Variants in LAMA4 observed in about 807,000 individuals in gnomAD.
LAMA4 encodes the protein laminin subunit alpha-4.
LAMA4 carries 127 observed loss-of-function variants against 207.1 expected under a neutral mutation model. The observed-to-expected ratio is 0.61, with a 90% confidence interval of 0.53 to 0.71. The LOEUF is 0.71. Among genes scored for constraint, LAMA4 ranks in the 30% least tolerant of loss-of-function variants. The pLI, the probability that LAMA4 is intolerant of heterozygous loss-of-function variation, is 0.00. For missense variants in LAMA4, 2,093 were observed against 2,246.5 expected, an observed-to-expected ratio of 0.93 and a Z score of 1.38; for synonymous variants, 761 against 816.0, an observed-to-expected ratio of 0.93 and a Z score of 1.15.
chr6:112,220,311 A>G (rs1784855130), intron 2 of LAMA4, among the ~76,000 whole-genome samples: 1 of 151,994 alleles, frequency 6.6e-6, no homozygotes, highest in Non-Finnish European at 1.5e-5. Flanking sequence ...AATCCATACC[A>G]TTTACTTCTG....
At chr6:112,214,365 T>C (rs1554357927) in intron 3 of LAMA4, among the ~76,000 whole-genome samples, 2 of 152,142 alleles carry the variant, frequency 1.3e-5, no homozygotes, top group African/African-American at 4.8e-5. Flanking sequence ...ATTACAGGTG[T>C]GAGCCACCAT....
chr6:112,120,961 C>T (rs1383130922), intron 32 of LAMA4, among the ~76,000 whole-genome samples: 2 of 151,834 alleles, frequency 1.3e-5, no homozygotes, highest in Non-Finnish European at 2.9e-5. Context: ...GTAGTCCCAG[C>T]TACTTGGGAG....
intron 18 of LAMA4, among the ~76,000 whole-genome samples, chr6:112,146,583 A>C (rs1450943101): frequency 6.6e-6 from 1 of 150,654 alleles, no homozygotes; most frequent in African/African-American, 2.4e-5. Flanking sequence ...TCAGAGACGA[A>C]ATACTTTTGA....
At chr6:112,162,817 G>A (rs1781135841) in intron 13 of LAMA4, among the ~76,000 whole-genome samples, 1 of 152,124 alleles carries the variant, frequency 6.6e-6, no homozygotes, top group African/African-American at 2.4e-5. Context: ...GTATTCATTG[G>A]TGTGTAATTG....
chr6:112,229,760 A>G (rs1554363894), intron 2 of LAMA4, among the ~76,000 whole-genome samples: 1 of 152,224 alleles, frequency 6.6e-6, no homozygotes, highest in Non-Finnish European at 1.5e-5. Context: ...CGCGTATCAT[A>G]ATTCCTCTAT....
chr6:112,207,360 T>TG (rs1562733871), intron 3 of LAMA4, among the ~76,000 whole-genome samples: 6 of 151,986 alleles, frequency 3.9e-5, no homozygotes, highest in Admixed American at 2.6e-4. Flanking sequence ...TCCTGGGCTT[T>TG]TGTGTGTGTG....
intron 33 of LAMA4, among the ~76,000 whole-genome samples, chr6:112,119,870 C>A (rs1176600099): frequency 6.6e-6 from 1 of 152,162 alleles, no homozygotes; most frequent in East Asian, 1.9e-4. Context: ...ACATACCCAC[C>A]AATTTCTTTC....
chr6:112,249,649 T>C (rs143356023), intron 2 of LAMA4, among the ~76,000 whole-genome samples: 11 of 152,164 alleles, frequency 7.2e-5, no homozygotes, highest in African/African-American at 2.7e-4. Context: ...TCAAATGAGA[T>C]AATAACGATA....
chr6:112,189,013 A>G, intron 7 of LAMA4, 97 bp downstream of exon 7: 1 of 877,722 alleles, frequency 1.1e-6, no homozygotes, highest in Non-Finnish European at 1.9e-6. Flanking sequence ...GGGACTCAGC[A>G]GTTTCTAGAG....
chr6:112,142,406 G>T, intron 19 of LAMA4, 114 bp from the exon 20 acceptor site: 1 of 925,708 alleles, frequency 1.1e-6, no homozygotes. Flanking sequence ...CTCCATACCT[G>T]TAGTTATTTA....
chr6:112,189,547 G>C (rs1234316004), intron 6 of LAMA4, among the ~76,000 whole-genome samples: 3 of 152,146 alleles, frequency 2.0e-5, no homozygotes, highest in Non-Finnish European at 2.9e-5. Flanking sequence ...ATGACCACGA[G>C]CTCATCATTC....
Position 112,225,371 on chromosome 6 carries a change from G to C in LAMA4, c.196-8902C>G, listed in dbSNP as rs563225023. 2.0e-5 allele frequency among the ~76,000 whole-genome samples: 3 copies of C among 152,290 alleles called. No homozygotes were observed. In the East Asian group the frequency reaches 5.8e-4, roughly 29 times the overall value. ...AGAATATATAACATAAAAAGAAAAGGTAATGGGCTAACACTTTTAAATTAC... is the reference window on the plus strand; with the variant it reads ...AGAATATATAACATAAAAAGAAAAGCTAATGGGCTAACACTTTTAAATTAC... On this transcript the variant is annotated intron_variant, in intron 2 of 38. Transcript: ENST00000230538.
At chr6:112,179,938 C>T in intron 9 of LAMA4, 1 of 532,886 alleles carries the variant, frequency 1.9e-6, no homozygotes, top group Non-Finnish European at 3.8e-6. Context: ...TTCTTCTTGG[C>T]TTGTTCCAGT....
At chr6:112,199,561 T>C (rs1583869730) in intron 5 of LAMA4, among the ~76,000 whole-genome samples, 1 of 152,120 alleles carries the variant, frequency 6.6e-6, no homozygotes, top group East Asian at 1.9e-4. Flanking sequence ...ATCAACCCAA[T>C]GTAATCGATC....
Position 112,150,520 on chromosome 6 carries a change from C to T in LAMA4, c.2164G>A (p.Ala722Thr). Residue 722 changes from alanine (A) to threonine (T), a missense_variant, in exon 17 of 39, where the codon GCA becomes ACA. Around this residue, in one of 3 missense-constraint regions of LAMA4, gnomAD observed 1,704 missense variants for 1,788.4 expected, o/e 0.95. Transcript: ENST00000230538. ...LSDAVKQLQA[A>T]ERGDAQQRLG... ...TCTCTCTGATGCTTACCTCTCTCTG[C>T]TGCTTGTAGTTGCTTAACGGCATCA... 4 of 1,604,568 alleles carry T rather than the reference C, an allele frequency of 2.5e-6. No individual in the cohort carries two copies. Among genetic ancestry groups the T allele is most frequent in the Non-Finnish European group, 3.4e-6 (4 of 1,171,260 alleles).
chr6:112,136,526 T>C (rs1243328514), intron 24 of LAMA4, among the ~76,000 whole-genome samples: 1 of 151,914 alleles, frequency 6.6e-6, no homozygotes, highest in African/African-American at 2.4e-5. Flanking sequence ...ACCTTATCTC[T>C]ACTAAAAATA....
chr6:112,113,883 G>C (rs1777850010), intron 38 of LAMA4, among the ~76,000 whole-genome samples, 193 bp downstream of exon 38: 1 of 152,130 alleles, frequency 6.6e-6, no homozygotes, highest in African/African-American at 2.4e-5. Context: ...GAGAGTAATA[G>C]CCACTGGCTG....
intron 2 of LAMA4, among the ~76,000 whole-genome samples, chr6:112,233,181 T>C (rs1554364902): frequency 6.6e-6 from 1 of 152,218 alleles, no homozygotes; most frequent in African/African-American, 2.4e-5. Flanking sequence ...CTTGACTTGT[T>C]CTTCAGAATT....
At position 112,201,184 on chromosome 6, in the gene LAMA4, T is replaced by G. The variant is rs557715125; in HGVS notation, c.503+424A>C. 2.0e-5 allele frequency among the ~76,000 whole-genome samples: 3 copies of G among 152,314 alleles called. No individual in the cohort carries two copies. In the South Asian group the frequency reaches 6.2e-4, roughly 32 times the overall value. On this transcript the variant is annotated intron_variant, in intron 5 of 38. Transcript: ENST00000230538. Reference sequence around the variant, plus strand: ...CGAAATAACAGCTTTGTGGGTTGTTTTTTTCTAATTTATTGCTCTATTGAC... The same window carrying G: ...CGAAATAACAGCTTTGTGGGTTGTTGTTTTCTAATTTATTGCTCTATTGAC...
Sources: allele counts gnomAD v4.1 joint callset (sites outside exome capture counted in the v4.1 genomes callset), GRCh38; gene constraint gnomAD v4.1.1; regional missense constraint gnomAD v4.1.1; transcripts MANE v1.5; gene names NCBI Gene and HGNC (gene_info 2026-07-23, HGNC 2026-07-21).